SUSD1: variants seen among roughly 807,000 people sequenced by gnomAD.
SUSD1 encodes the protein sushi domain-containing protein 1.
In SUSD1, 65 loss-of-function variants were observed where a neutral mutation model predicts 86.9. That is an observed-to-expected ratio of 0.75 (90% CI 0.61 to 0.92). SUSD1 has a LOEUF of 0.92. Ranked by LOEUF, SUSD1 falls within the 40% of genes least tolerant of loss-of-function variation. SUSD1 has a pLI of 0.00. For missense variants in SUSD1, 850 were observed against 929.7 expected (o/e 0.91, Z 1.11); for synonymous variants, 346 against 350.0 (o/e 0.99, Z 0.13).
At chr9:112,143,740 G>A in intron 3 of SUSD1, 117 bp from the exon 4 acceptor site, 3 of 996,386 alleles carry the variant, frequency 3.0e-6, no homozygotes, top group Non-Finnish European at 2.9e-6. Context: ...GTAAAAAGAT[G>A]CATTTGTTTG....
At chr9:112,051,276 C>T (rs920669751) in intron 15 of SUSD1, among the ~76,000 whole-genome samples, 2 of 152,194 alleles carry the variant, frequency 1.3e-5, no homozygotes, top group Non-Finnish European at 1.5e-5. Flanking sequence ...GAGGAAGATG[C>T]TATCCCCAGG....
chr9:112,141,252 T>C (rs1365599358), intron 5 of SUSD1, among the ~76,000 whole-genome samples: 1 of 152,250 alleles, frequency 6.6e-6, no homozygotes, highest in African/African-American at 2.4e-5. Context: ...GGCTACGATG[T>C]CACTAGGCAA....
At chr9:112,088,788 A>AAAACAAAC (rs71382405) in intron 10 of SUSD1, among the ~76,000 whole-genome samples, 6 of 151,004 alleles carry the variant, frequency 4.0e-5, no homozygotes, top group South Asian at 2.1e-4. Flanking sequence ...CACATCTCAA[A>AAAACAAAC]AAACAAACAA....
chr9:112,067,525 G>A (rs570754123), intron 12 of SUSD1, among the ~76,000 whole-genome samples: 2 of 152,354 alleles, frequency 1.3e-5, no homozygotes, highest in East Asian at 3.9e-4. Context: ...GCTGTGTACT[G>A]GCAGGAACTC....
chr9:112,058,030 A>G (rs944418213), intron 14 of SUSD1, among the ~76,000 whole-genome samples: 2 of 152,220 alleles, frequency 1.3e-5, no homozygotes, highest in African/African-American at 4.8e-5. Context: ...GTAAGCAAAA[A>G]ACAGCCGAGT....
intron 8 of SUSD1, chr9:112,103,277 GC>G (rs758369956): frequency 5.9e-6 from 2 of 336,610 alleles, no homozygotes; most frequent in Non-Finnish European, 1.2e-5. Context: ...AAATATTCCT[GC>G]CTATAATTGG....
intron 10 of SUSD1, among the ~76,000 whole-genome samples, chr9:112,092,213 C>A (rs1464052405): frequency 6.6e-6 from 1 of 152,172 alleles, no homozygotes; most frequent in African/African-American, 2.4e-5. Flanking sequence ...ATCTAAATAA[C>A]CTAATCCTAC....
At chr9:112,143,216 C>T (rs896243783) in intron 4 of SUSD1, among the ~76,000 whole-genome samples, 3 of 151,710 alleles carry the variant, frequency 2.0e-5, no homozygotes, top group African/African-American at 7.3e-5. Context: ...GAACTCCTGA[C>T]CTCAAGTGAT....
chr9:112,097,337 T>A (rs1021918736), intron 10 of SUSD1, among the ~76,000 whole-genome samples: 5 of 150,682 alleles, frequency 3.3e-5, no homozygotes, highest in African/African-American at 1.2e-4. Context: ...AAAAAAAAAA[T>A]TAATTTTCAG....
rs560992937 is a variant in SUSD1 at position 112,113,110 on chromosome 9, G to A, written c.887-242C>T. On this transcript the variant is annotated intron_variant, in intron 6 of 16. Transcript: ENST00000374270. This position sits in a 1 kb window ranked among gnomAD's most constrained non-coding sequence, Gnocchi z 4.1. ...AGGAAAGATTCCAGCTTGGATATAG[G>A]TCAGAATTCTAACCTGTGATTCACC... Among the ~76,000 whole-genome samples the A allele has an allele frequency of 5.4e-4, 82 of 152,262 alleles. No homozygotes were observed. The highest frequency in any genetic ancestry group is 1.9e-3 in the African/African-American group (78 of 41,546).
intron 3 of SUSD1, among the ~76,000 whole-genome samples, chr9:112,148,772 G>C (rs1422984418): frequency 3.3e-5 from 5 of 152,018 alleles, no homozygotes; most frequent in African/African-American, 1.2e-4. Context: ...TGAGCATGGT[G>C]GTGCGTGCCT....
intron 9 of SUSD1, among the ~76,000 whole-genome samples, chr9:112,101,542 A>T (rs1049230055): frequency 3.2e-4 from 49 of 152,036 alleles, no homozygotes; most frequent in African/African-American, 1.1e-3. Context: ...CCATCCAAAG[A>T]GTTCCTTAAA....
At chr9:112,123,094 A>G (rs550460379) in intron 6 of SUSD1, among the ~76,000 whole-genome samples, 4 of 152,308 alleles carry the variant, frequency 2.6e-5, no homozygotes, top group African/African-American at 9.6e-5. Flanking sequence ...AATAGTTAAG[A>G]TGGTGTATTC....
intron 5 of SUSD1, among the ~76,000 whole-genome samples, chr9:112,132,064 G>A (rs1189156238): frequency 6.6e-6 from 1 of 152,184 alleles, no homozygotes; most frequent in African/African-American, 2.4e-5. Flanking sequence ...TATTCCAGAA[G>A]GAAATTTGTT....
intron 2 of SUSD1, among the ~76,000 whole-genome samples, chr9:112,156,603 G>A (rs577341017): frequency 1.2e-4 from 18 of 152,126 alleles, no homozygotes; most frequent in African/African-American, 3.9e-4. Flanking sequence ...AGATATGGGG[G>A]TCTCACTATG....
chr9:112,063,940 A>G (rs1828849043), intron 12 of SUSD1, among the ~76,000 whole-genome samples: 1 of 151,800 alleles, frequency 6.6e-6, no homozygotes. Context: ...TCTCCAAAGT[A>G]TTAGGAAAAG....
intron 15 of SUSD1, among the ~76,000 whole-genome samples, chr9:112,049,169 C>A (rs1218139861): frequency 6.6e-6 from 1 of 152,088 alleles, no homozygotes; most frequent in African/African-American, 2.4e-5. Context: ...AGGGAGTGAA[C>A]ACAGAAATGA....
At chr9:112,135,127 T>C (rs910083385) in intron 5 of SUSD1, among the ~76,000 whole-genome samples, 8 of 152,144 alleles carry the variant, frequency 5.3e-5, no homozygotes, top group Admixed American at 2.0e-4. Flanking sequence ...GGTTATAGTT[T>C]GCCATGAAGC....
At chr9:112,090,931 T>C (rs998089586) in intron 10 of SUSD1, among the ~76,000 whole-genome samples, 35 of 152,210 alleles carry the variant, frequency 2.3e-4, no homozygotes, top group African/African-American at 7.7e-4. Flanking sequence ...GATGAATCTA[T>C]TGCCTTCAGA....
Sources: gnomAD v4.1 joint callset for allele counts (sites outside exome capture counted in the v4.1 genomes callset) on GRCh38, gnomAD v4.1.1 for gene constraint, Gnocchi (gnomAD v3.1) non-coding constraint, MANE v1.5 for transcripts, NCBI Gene and HGNC (gene_info 2026-07-23, HGNC 2026-07-21) for gene names.